ANKDD1A: variants seen among roughly 807,000 people sequenced by gnomAD.
The protein encoded by ANKDD1A is ankyrin repeat and death domain-containing protein 1A.
ANKDD1A carries 59 observed loss-of-function variants against 63.5 expected under a neutral mutation model. The observed-to-expected ratio is 0.93, with a 90% CI of 0.75 to 1.15. The LOEUF (loss-of-function observed/expected upper bound fraction) is 1.15. Among genes scored for constraint, ANKDD1A ranks in the 50% most tolerant of loss-of-function variants. The pLI is 0.00. For missense variants in ANKDD1A, 632 were observed against 656.4 expected (o/e 0.96, Z 0.41); for synonymous variants, 266 against 263.9 (o/e 1.01, Z -0.08).
intron 4 of ANKDD1A, among the ~76,000 whole-genome samples, chr15:64,924,534 C>T (rs529696726): frequency 2.6e-5 from 4 of 152,388 alleles, no homozygotes; most frequent in African/African-American, 9.6e-5. Context: ...ATAGATGCCA[C>T]AGGCCCAGTC....
At chr15:64,948,529 T>A (rs965584273) in intron 13 of ANKDD1A, among the ~76,000 whole-genome samples, 1 of 151,928 alleles carries the variant, frequency 6.6e-6, no homozygotes, top group Non-Finnish European at 1.5e-5. Context: ...AAAATTAACA[T>A]AAAGAGATAT....
rs1318972754 is a variant in ANKDD1A at position 64,943,487 on chromosome 15, C to A, written c.970C>A (p.Gln324Lys). 1.2e-6 allele frequency: 2 copies of A among 1,614,172 alleles called. No homozygotes were observed. The highest frequency in any genetic ancestry group is 2.2e-5 in the East Asian group (1 of 44,886). ...DSDVNAVDNR[Q>K]QTPLHLAAEH... ...ATTCCCTTGGCTTCTCCCCTAGAGGCAGCAGACGCCCCTTCACCTGGCTGC... is the reference window on the plus strand; with the variant it reads ...ATTCCCTTGGCTTCTCCCCTAGAGGAAGCAGACGCCCCTTCACCTGGCTGC... Residue 324 changes from glutamine (Q) to lysine (K), a missense_variant, in exon 11 of 15, where the codon CAG becomes AAG. Transcript: ENST00000319580.
At chr15:64,914,919 T>G (rs1167187759) in intron 1 of ANKDD1A, among the ~76,000 whole-genome samples, 5 of 149,636 alleles carry the variant, frequency 3.3e-5, no homozygotes, top group Admixed American at 6.7e-5. Context: ...GCGATGGGGG[T>G]GAGAGGAGCA....
In ANKDD1A at chr15:64,957,933, C is replaced by G. The variant is rs2085433873; in HGVS notation, c.*745C>G. ...TGCATAAATAAAAGCTAGACAAAGG[C>G]TAAGAAACTAATCAGGTGGTTTCCC... On this transcript the variant is annotated 3_prime_UTR_variant, in exon 15 of 15. Transcript: ENST00000319580. 6.6e-6 allele frequency: 1 copy of G among 151,844 alleles called. No individual in the cohort carries two copies. Among genetic ancestry groups the G allele is most frequent in the Non-Finnish European group, 1.5e-5 (1 of 67,960 alleles). 9.4% of individuals were successfully genotyped at this position (151,844 alleles called of 1,614,324 possible).
At position 64,958,290 on chromosome 15, in the gene ANKDD1A, A is replaced by C. The variant is rs2085438012; in HGVS notation, c.*1102A>C. ...AAAACCCATAGCATGTACAGCACAAAGCGTTTGCTCTAATGTGAGCTATGG... is the reference window on the plus strand; with the variant it reads ...AAAACCCATAGCATGTACAGCACAACGCGTTTGCTCTAATGTGAGCTATGG... On this transcript the variant is annotated 3_prime_UTR_variant, in exon 15 of 15. Coordinates refer to ENST00000319580, the MANE Select transcript of ANKDD1A (RefSeq NM_182703.6). 1 of 152,236 alleles carries C rather than the reference A, an allele frequency of 6.6e-6. No individual in the cohort carries two copies. The highest frequency in any genetic ancestry group is 2.4e-5 in the African/African-American group (1 of 41,464). 9.4% of individuals were successfully genotyped at this position (152,236 alleles called of 1,614,324 possible).
chr15:64,922,116 C>G, intron 4 of ANKDD1A, 97 bp downstream of exon 4: 2 of 1,091,522 alleles, frequency 1.8e-6, no homozygotes, highest in Admixed American at 4.3e-5. Context: ...GCTTGCCCCT[C>G]CAGCCCCCAA....
chr15:64,952,355 C>T (rs1398543729), intron 14 of ANKDD1A, among the ~76,000 whole-genome samples: 2 of 111,472 alleles, frequency 1.8e-5, no homozygotes, highest in Non-Finnish European at 3.4e-5. Flanking sequence ...TTAGTTCTTC[C>T]TCCTTCTTCT....
At chr15:64,942,660 G>A in intron 10 of ANKDD1A, 95 bp downstream of exon 10, 1 of 698,688 alleles carries the variant, frequency 1.4e-6, no homozygotes. Flanking sequence ...ATGGCCCAGA[G>A]TTGAGGAATC....
In ANKDD1A at chr15:64,942,553, T is replaced by C; in HGVS notation, c.954T>C (p.Asn318=). Residue 318 remains asparagine, a synonymous_variant, in exon 10 of 15, where the codon AAT becomes AAC. Coordinates refer to ENST00000319580, the MANE Select transcript of ANKDD1A (RefSeq NM_182703.6). ...RLLINSDSDV[N]AVDNRQQTPL... is the part of the protein sequence containing the mutation. ...TCATCAACTCCGACAGTGACGTGAA[T>C]GCCGTGGACAATGTAAGTGGCTACA... The C allele has an allele frequency of 6.2e-7, 1 of 1,613,592 alleles. No homozygotes were observed.
intron 13 of ANKDD1A, among the ~76,000 whole-genome samples, chr15:64,949,640 C>A (rs1237836697): frequency 6.6e-6 from 1 of 152,164 alleles, no homozygotes; most frequent in African/African-American, 2.4e-5. Flanking sequence ...CCCTCCCCAT[C>A]TGAGAGGCTG....
intron 9 of ANKDD1A, among the ~76,000 whole-genome samples, chr15:64,936,250 C>T (rs1303555555): frequency 6.6e-6 from 1 of 151,764 alleles, no homozygotes; most frequent in African/African-American, 2.4e-5. Flanking sequence ...TTTTAATGCC[C>T]TCCCATTTTC....
chr15:64,949,467 T>C (rs1450486988), intron 13 of ANKDD1A, among the ~76,000 whole-genome samples: 1 of 152,166 alleles, frequency 6.6e-6, no homozygotes, highest in Admixed American at 6.6e-5. Context: ...ACAGATTATT[T>C]TGAGCAGCCA....
Position 64,930,864 on chromosome 15 carries a change from A to C in ANKDD1A, c.613A>C (p.Met205Leu). ...TCATCTGGCTGCTGGTCGGGGCCAT[A>C]TGGCTGTGCTGCAGCGACTTGTGGA... ...ALHLAAGRGH[M>L]AVLQRLVDIG... is the part of the protein sequence containing the mutation. The change falls in exon 7 of 15, where the codon ATG becomes CTG. Residue 205 changes from methionine (M) to leucine (L), a missense_variant. By Grantham distance (15) the Met-to-Leu change is conservative. Transcript: ENST00000319580. 6.2e-7 allele frequency: 1 copy of C among 1,613,164 alleles called. No individual in the cohort carries two copies. Among genetic ancestry groups the C allele is most frequent in the Non-Finnish European group, 8.5e-7 (1 of 1,179,976 alleles).
At chr15:64,950,089 C>T in intron 14 of ANKDD1A, 117 bp downstream of exon 14, 6 of 1,519,708 alleles carry the variant, frequency 3.9e-6, no homozygotes, top group Non-Finnish European at 5.3e-6. Flanking sequence ...TCTAGGCCTT[C>T]CAGATTCCTA....
At chr15:64,952,301 CTCCT>C (rs2140387907) in intron 14 of ANKDD1A, among the ~76,000 whole-genome samples, 1 of 146,492 alleles carries the variant, frequency 6.8e-6, no homozygotes, top group African/African-American at 2.5e-5. Flanking sequence ...TCCTCTCCTC[CTCCT>C]TCGTTCTTTT....
At chr15:64,926,274 C>A in intron 5 of ANKDD1A, 104 bp downstream of exon 5, 1 of 1,172,094 alleles carries the variant, frequency 8.5e-7, no homozygotes, top group Non-Finnish European at 1.2e-6. Context: ...ATCCTTTGAT[C>A]TGTGGGCATA....
intron 14 of ANKDD1A, among the ~76,000 whole-genome samples, chr15:64,952,514 T>TTTCTTCTTCC (rs2085310439): frequency 1.7e-4 from 1 of 5,908 alleles, no homozygotes; most frequent in Non-Finnish European, 6.8e-4. Context: ...TTCTTCTTAC[T>TTTCTTCTTCC]TTCTTCTTCC....
chr15:64,922,967 A>G (rs2085018317), intron 4 of ANKDD1A, among the ~76,000 whole-genome samples: 1 of 152,184 alleles, frequency 6.6e-6, no homozygotes, highest in Admixed American at 6.5e-5. Context: ...CAGTGATTAG[A>G]CCCTTCACTA....
chr15:64,951,372 T>C (rs1159850618), intron 14 of ANKDD1A: 2 of 462,168 alleles, frequency 4.3e-6, no homozygotes, highest in Non-Finnish European at 5.6e-6. Context: ...TCCTCTTTCT[T>C]CTTTCTTTTT....
Sources: gnomAD v4.1 joint callset for allele counts (sites outside exome capture counted in the v4.1 genomes callset) on GRCh38, gnomAD v4.1.1 for gene constraint, MANE v1.5 for transcripts, NCBI Gene and HGNC (gene_info 2026-07-23, HGNC 2026-07-21) for gene names.